HDAC8: variants seen among roughly 807,000 people sequenced by gnomAD.
The protein encoded by HDAC8 is histone deacetylase 8.
Under a neutral mutation model 32.2 loss-of-function variants are expected in HDAC8, and 1 was observed. That is an observed-to-expected ratio of 0.03 (90% CI 0.01 to 0.15). The LOEUF (loss-of-function observed/expected upper bound fraction) is 0.15, where lower values mean the gene tolerates loss of function less well. Ranked by LOEUF, HDAC8 falls within the 10% of genes least tolerant of loss-of-function variation. The probability of loss-of-function intolerance (pLI) is 1.00; values close to 1 mark genes in which losing one functional copy is unlikely to be tolerated. For missense variants in HDAC8, 117 were observed against 300.0 expected (o/e 0.39, Z 4.51); for synonymous variants, 108 against 113.9 (o/e 0.95, Z 0.33).
chrX:72,385,956 T>C (rs1489939954), intron 9 of HDAC8, among the ~76,000 whole-genome samples: 1 of 112,333 alleles, frequency 8.9e-6, no homozygotes, highest in Non-Finnish European at 1.9e-5. Context: ...GATCCAGCAA[T>C]TCCATTTGCA....
chrX:72,370,212 A>G (rs1319218218), intron 9 of HDAC8, among the ~76,000 whole-genome samples: 2 of 112,343 alleles, frequency 1.8e-5, no homozygotes, highest in Non-Finnish European at 3.8e-5. Flanking sequence ...TTTATCAAGT[A>G]GACTTAAACC....
At chrX:72,359,409 G>A (rs151232574) in intron 9 of HDAC8, among the ~76,000 whole-genome samples, 2 of 111,531 alleles carry the variant, frequency 1.8e-5, no homozygotes, top group Non-Finnish European at 1.9e-5. Flanking sequence ...GGGCGAATTA[G>A]GTTCTTGAAG....
At chrX:72,396,834 C>G (rs1555965705) in intron 9 of HDAC8, among the ~76,000 whole-genome samples, 1 of 102,967 alleles carries the variant, frequency 9.7e-6, no homozygotes, top group Non-Finnish European at 1.9e-5. Flanking sequence ...GACCTTATCT[C>G]AAATAACAAC....
intron 4 of HDAC8, among the ~76,000 whole-genome samples, chrX:72,559,242 G>A (rs1464666981): frequency 1.9e-5 from 2 of 107,198 alleles, no homozygotes; most frequent in African/African-American, 6.8e-5. Flanking sequence ...ACTGGTTTTC[G>A]TACTTTTTTG....
At position 72,568,790 on chromosome X, in the gene HDAC8, C is replaced by T; in HGVS notation, c.259G>A (p.Asp87Asn). ...TCTATGGAGTCCGGATGATCATCAT[C>T]GCCCTCTTGGCTGACCTTCTGGAGA... ...QHLQKVSQEG[D>N]DDHPDSIEYG... The change falls in exon 3 of 11, where the codon GAT (aspartate) becomes AAT (asparagine). Residue 87 changes from aspartate (D) to asparagine (N), a missense_variant. Asp to Asn is a conservative substitution (Grantham distance 23, BLOSUM62 1). Coordinates refer to ENST00000373573, the MANE Select transcript of HDAC8 (RefSeq NM_018486.3). 8.3e-7 allele frequency: 1 copy of T among 1,211,795 alleles called. No individual in the cohort carries two copies.
intron 9 of HDAC8, among the ~76,000 whole-genome samples, chrX:72,458,735 CTG>C (rs1889304662): frequency 8.9e-6 from 1 of 111,957 alleles, no homozygotes; most frequent in Admixed American, 9.5e-5. Flanking sequence ...ATGGCACAGA[CTG>C]TAAGTGTTAT....
chrX:72,355,573 G>A (rs2044316893), intron 9 of HDAC8, among the ~76,000 whole-genome samples: 1 of 111,488 alleles, frequency 9.0e-6, no homozygotes. Context: ...TAGGGTAGTT[G>A]GTCCCTTCTC....
chrX:72,442,504 C>G (rs2047190345), intron 9 of HDAC8, among the ~76,000 whole-genome samples: 1 of 111,503 alleles, frequency 9.0e-6, no homozygotes, highest in South Asian at 3.8e-4. Context: ...TTATCACCAC[C>G]AGGCCTGCCC....
chrX:72,472,561 T>G (rs188858035), intron 7 of HDAC8, among the ~76,000 whole-genome samples: 136 of 112,040 alleles, frequency 1.2e-3, no homozygotes, highest in Non-Finnish European at 2.0e-3. Context: ...AGATGCAGCT[T>G]TGATTACTGT....
At chrX:72,449,604 T>C (rs782685400) in intron 9 of HDAC8, among the ~76,000 whole-genome samples, 204 of 110,531 alleles carry the variant, frequency 1.8e-3, no homozygotes, top group Non-Finnish European at 3.4e-3. Context: ...ACAGAAAACA[T>C]ACTGTTTAAA....
chrX:72,348,491 C>T (rs2044089888), intron 10 of HDAC8, among the ~76,000 whole-genome samples: 1 of 112,626 alleles, frequency 8.9e-6, no homozygotes, highest in South Asian at 3.7e-4. Context: ...GGCACAGTAT[C>T]AGTATAGCAG....
chrX:72,461,240 T>A (rs1207888476), intron 9 of HDAC8, among the ~76,000 whole-genome samples: 14 of 111,611 alleles, frequency 1.3e-4, no homozygotes, highest in African/African-American at 4.6e-4. Context: ...TCCGTAGTTA[T>A]ACATCTTGAT....
At chrX:72,563,374 G>A (rs1050127269) in intron 4 of HDAC8, among the ~76,000 whole-genome samples, 11 of 110,164 alleles carry the variant, frequency 1.0e-4, no homozygotes, top group Non-Finnish European at 1.9e-4. Context: ...AACATGGCAA[G>A]ACCCCATCTC....
chrX:72,444,932 A>G (rs1373995156), intron 9 of HDAC8, among the ~76,000 whole-genome samples: 1 of 105,547 alleles, frequency 9.5e-6, no homozygotes, highest in Non-Finnish European at 2.0e-5. Context: ...CCCATTCACA[A>G]TTGCTTCAAA....
intron 10 of HDAC8, among the ~76,000 whole-genome samples, chrX:72,333,690 C>CA (rs34269328): frequency 1.5e-4 from 10 of 67,918 alleles, no homozygotes; most frequent in African/African-American, 3.9e-4. Flanking sequence ...GACACCATTT[C>CA]AAAAAAAAAA....
intron 10 of HDAC8, among the ~76,000 whole-genome samples, chrX:72,331,993 G>A (rs941643799): frequency 8.9e-6 from 1 of 112,025 alleles, no homozygotes; most frequent in African/African-American, 3.2e-5. Context: ...TCTAAAATTT[G>A]GTCATTTTGA....
chrX:72,475,871 C>T (rs1017632277), intron 7 of HDAC8, among the ~76,000 whole-genome samples: 1 of 111,299 alleles, frequency 9.0e-6, no homozygotes, highest in Non-Finnish European at 1.9e-5. Flanking sequence ...ATATCCCTTT[C>T]GCTGTTTTAA....
chrX:72,464,511 A>C (rs1555993065), intron 8 of HDAC8, 48 bp downstream of exon 8: 1 of 1,081,451 alleles, frequency 9.2e-7, no homozygotes, highest in Admixed American at 2.2e-5. Flanking sequence ...CAATGGACAA[A>C]ATGTGGAGGA....
Position 72,527,870 on chromosome X carries a change from G to A in HDAC8, c.438-32602C>T, listed in dbSNP as rs190576978. On this transcript the variant is annotated intron_variant, in intron 4 of 10. Transcript: ENST00000373573. ...GGCTCACTGCAACCTCCGCCTCCTG[G>A]GTTCAAGTGATTCTCCTGCCTCAGC... Among the ~76,000 whole-genome samples the A allele has an allele frequency of 1.4e-3, 149 of 106,155 alleles. 1 individual carries two copies. Among genetic ancestry groups the A allele is most frequent in the Non-Finnish European group, 1.5e-3 (79 of 51,568 alleles). 92.2% of individuals were successfully genotyped at this position (106,155 alleles called of 115,157 possible).
Sources: gnomAD v4.1 joint callset for allele counts (sites outside exome capture counted in the v4.1 genomes callset) on GRCh38, gnomAD v4.1.1 for gene constraint, MANE v1.5 for transcripts, NCBI Gene and HGNC (gene_info 2026-07-23, HGNC 2026-07-21) for gene names.